SHFL: variants seen among roughly 807,000 people sequenced by gnomAD.
SHFL encodes shiftless antiviral inhibitor of ribosomal frameshifting, also known as shiftless antiviral inhibitor of ribosomal frameshifting protein.
SHFL carries 12 observed loss-of-function variants against 34.7 expected under a neutral mutation model. That is an observed-to-expected ratio of 0.35 (90% CI 0.22 to 0.56). The LOEUF is 0.56. SHFL is among the 20% of genes least tolerant of loss of function. SHFL has a pLI of 0.88. For missense variants in SHFL, 278 were observed against 411.1 expected (o/e 0.68, Z 2.80); for synonymous variants, 148 against 156.0 (o/e 0.95, Z 0.38).
At chr19:10,088,254 C>CCAT (rs2088321983) in intron 3 of SHFL, 1 of 68,260 alleles carries the variant, frequency 1.5e-5, no homozygotes, top group African/African-American at 6.4e-5. Flanking sequence ...GAGCGAAACT[C>CCAT]TGTCTCAAAA....
chr19:10,088,350 G>A (rs1178456142), intron 3 of SHFL: 2 of 151,002 alleles, frequency 1.3e-5, no homozygotes, highest in Admixed American at 6.6e-5. Flanking sequence ...GGATCATGAG[G>A]TCAGGAGATC....
chr19:10,086,347 T>G lies in SHFL; in HGVS notation c.-81T>G. 8.2e-7 allele frequency: 1 copy of G among 1,225,048 alleles called. No individual in the cohort carries two copies. The allele number at this position is 1,225,048 out of a possible 1,614,324, so 75.9% of individuals were successfully genotyped here. A position where few individuals can be genotyped will look rare whatever the true frequency, so the allele number is the denominator to read the frequency against. On this transcript the variant is annotated 5_prime_UTR_variant, in exon 1 of 8. Transcript: ENST00000253110. The surrounding 1 kb of genome is among the most constrained non-coding windows in gnomAD (Gnocchi z 5.2). Reference sequence around the variant, plus strand: ...ACCGCCCCCTGCCCTGCGCGGCTGCTGGACCGACGGGCGCACCCAGGTAGG... The same window carrying G: ...ACCGCCCCCTGCCCTGCGCGGCTGCGGGACCGACGGGCGCACCCAGGTAGG...
intron 3 of SHFL, 65 bp downstream of exon 3, chr19:10,087,365 AC>A (rs1261092308): frequency 1.9e-6 from 3 of 1,577,172 alleles, no homozygotes; most frequent in Non-Finnish European, 2.6e-6. Flanking sequence ...GGGGGACCCG[AC>A]CCGTTCATGG....
intron 3 of SHFL, among the ~76,000 whole-genome samples, chr19:10,088,611 T>C (rs1355778641): frequency 6.6e-6 from 1 of 151,022 alleles, no homozygotes; most frequent in African/African-American, 2.4e-5. Context: ...ACAAAACATG[T>C]ATCATAGTCT....
chr19:10,091,990 C>A lies in SHFL; in HGVS notation c.644-80C>A. 6.4e-7 allele frequency: 1 copy of A among 1,571,172 alleles called. No homozygotes were observed. Among genetic ancestry groups the A allele is most frequent in the South Asian group, 1.1e-5 (1 of 88,592 alleles). ...GGTGGTCTCAGCTCCTCCCTAGAGCCCCGCGTGGCCTAAGTCCCCTCCTCC... is the reference window on the plus strand; with the variant it reads ...GGTGGTCTCAGCTCCTCCCTAGAGCACCGCGTGGCCTAAGTCCCCTCCTCC... On this transcript the variant is annotated intron_variant, in intron 7 of 7. Coordinates refer to ENST00000253110, the MANE Select transcript of SHFL (RefSeq NM_018381.4). The surrounding 1 kb of genome is among the most constrained non-coding windows in gnomAD (Gnocchi z 8.2).
chr19:10,086,894 C>T lies in SHFL; in HGVS notation c.22-35C>T, dbSNP rs2088296623. 2 of 1,611,192 alleles carry T rather than the reference C, an allele frequency of 1.2e-6. No homozygotes were observed. The highest frequency in any genetic ancestry group is 1.7e-6 in the Non-Finnish European group (2 of 1,178,590). On this transcript the variant is annotated intron_variant, in intron 1 of 7. Transcript: ENST00000253110. The surrounding 1 kb of genome is among the most constrained non-coding windows in gnomAD (Gnocchi z 5.2). ...TGGGGGAGGGATGATCCCGTTTCCC[C>T]TTCCCCCACCGGAACCCCCCTGTCT...
Position 10,092,077 on chromosome 19 carries a change from C to A in SHFL, c.651C>A (p.His217Gln). Residue 217 changes from histidine (H) to glutamine (Q), a missense_variant, in exon 8 of 8, where the codon CAC (histidine) becomes CAA (glutamine). His to Gln is a conservative substitution (Grantham distance 24, BLOSUM62 0). Around this residue, in one of 2 missense-constraint regions of SHFL, gnomAD observed 243 missense variants for 386.2 expected, o/e 0.63. Transcript: ENST00000253110. ...AADCYNRREP[H>Q]VPGTSCAHPK... The stretch of plus-strand genomic sequence containing the variant: ...GCACCTCTCCCTCCCTAGAGCCCCA[C>A]GTGCCTGGGACATCCTGTGCTCACC... 2 of 1,613,898 alleles carry A rather than the reference C, an allele frequency of 1.2e-6. No homozygotes were observed. The highest frequency in any genetic ancestry group is 1.7e-6 in the Non-Finnish European group (2 of 1,179,820).
intron 2 of SHFL, 45 bp downstream of exon 2, chr19:10,087,097 G>A: frequency 6.3e-7 from 1 of 1,597,138 alleles, no homozygotes; most frequent in Non-Finnish European, 8.5e-7. Context: ...ACCGCGCGTG[G>A]GAGCGCCGAG....
chr19:10,092,016 C>T, intron 7 of SHFL, 54 bp from the exon 8 acceptor site: 1 of 1,610,812 alleles, frequency 6.2e-7, no homozygotes, highest in East Asian at 2.2e-5. Context: ...CCCCTCCTCC[C>T]CAGACTCTCA....
chr19:10,087,163 G>T, intron 2 of SHFL, 88 bp from the exon 3 acceptor site: 1 of 1,599,270 alleles, frequency 6.3e-7, no homozygotes, highest in Non-Finnish European at 8.5e-7. Flanking sequence ...TCCCAGCCTT[G>T]GGGAGGCTCT....
At position 10,091,159 on chromosome 19, in the gene SHFL, G is replaced by A. The variant is rs532010130; in HGVS notation, c.385-91G>A. ...TGGGTTGCTCAAGCTGAGGCCAGCCGCTGCAGCACACTGCTAGCCCTGACC... is the reference window on the plus strand; with the variant it reads ...TGGGTTGCTCAAGCTGAGGCCAGCCACTGCAGCACACTGCTAGCCCTGACC... On this transcript the variant is annotated intron_variant, in intron 5 of 7. Coordinates refer to ENST00000253110, the MANE Select transcript of SHFL (RefSeq NM_018381.4). The surrounding 1 kb of genome is among the most constrained non-coding windows in gnomAD (Gnocchi z 8.2). The A allele has an allele frequency of 9.2e-4, 1,026 of 1,120,654 alleles. 11 individuals are homozygous for A. The highest frequency in any genetic ancestry group is 5.4e-3 in the South Asian group (385 of 71,216). 69.4% of individuals were successfully genotyped at this position (1,120,654 alleles called of 1,614,324 possible). A position where few individuals can be genotyped will look rare whatever the true frequency, so the allele number is the denominator to read the frequency against.
chr19:10,090,441 A>G (rs12982924), intron 5 of SHFL: 79,697 of 154,014 alleles, frequency 0.52, 21,119 homozygotes, highest in Non-Finnish European at 0.56. Context: ...CCAAAAAAAA[A>G]TGTGTTTTGA....
At chr19:10,090,306 A>C in intron 5 of SHFL, 1 of 490,990 alleles carries the variant, frequency 2.0e-6, no homozygotes, top group Non-Finnish European at 3.7e-6. Flanking sequence ...CTACTACAGA[A>C]ATCAAACCTG....
chr19:10,091,220 T>C lies in SHFL; in HGVS notation c.385-30T>C, dbSNP rs377676112. 31 of 1,598,342 alleles carry C rather than the reference T, an allele frequency of 1.9e-5. No individual in the cohort carries two copies. The African/African-American group carries it at 4.0e-4, about 21-fold the overall frequency. On this transcript the variant is annotated intron_variant, in intron 5 of 7. Coordinates refer to ENST00000253110, the MANE Select transcript of SHFL (RefSeq NM_018381.4). The surrounding 1 kb of genome is among the most constrained non-coding windows in gnomAD (Gnocchi z 8.2). ...ACACCTCTGACAATCCTTGGTCCCC[T>C]CTCTGTACCTTCCTGCCCACCACCA...
Position 10,091,454 on chromosome 19 carries a change from T to G in SHFL, c.489-22T>G. 8.1e-7 allele frequency: 1 copy of G among 1,238,660 alleles called. No homozygotes were observed. Among genetic ancestry groups the G allele is most frequent in the Non-Finnish European group, 1.0e-6 (1 of 958,196 alleles). 76.7% of individuals were successfully genotyped at this position (1,238,660 alleles called of 1,614,324 possible). A position where few individuals can be genotyped will look rare whatever the true frequency, so the allele number is the denominator to read the frequency against. On this transcript the variant is annotated intron_variant, in intron 6 of 7. Transcript: ENST00000253110. The surrounding 1 kb of genome is among the most constrained non-coding windows in gnomAD (Gnocchi z 8.2). ...CTGGCCCAGCCTCGCCCTCGGACCC[T>G]CACAGCCCTGCCCGCCCCCAGGGGC... is the stretch of plus-strand genomic sequence containing the variant.
chr19:10,087,051 C>T lies in SHFL; in HGVS notation c.144C>T (p.Tyr48=), dbSNP rs544762485. The T allele has an allele frequency of 1.9e-6, 3 of 1,610,862 alleles. No homozygotes were observed. Among genetic ancestry groups the T allele is most frequent in the African/African-American group, 2.7e-5 (2 of 74,974 alleles). ...CGGGAGTGGGGCGCTCCATCGTGTA[C>T]GGTGAGGCTGCAGGGGTCCCGGGCC... is the stretch of plus-strand genomic sequence containing the variant. ...DHTGVGRSIV[Y]GVKQKDGQEL... is the part of the protein sequence containing the mutation. The change falls in exon 2 of 8, where the codon TAC becomes TAT. Residue 48 remains tyrosine (Y), a splice_region_variant and synonymous_variant. Transcript: ENST00000253110.
Position 10,091,188 on chromosome 19 carries a change from A to G in SHFL, c.385-62A>G, listed in dbSNP as rs918384486. On this transcript the variant is annotated intron_variant, in intron 5 of 7. Coordinates refer to ENST00000253110, the MANE Select transcript of SHFL (RefSeq NM_018381.4). This position sits in a 1 kb window ranked among gnomAD's most constrained non-coding sequence, Gnocchi z 8.2. The stretch of plus-strand genomic sequence containing the variant: ...CAGCACACTGCTAGCCCTGACCCCA[A>G]CCTCAGACACCTCTGACAATCCTTG... The G allele has an allele frequency of 6.8e-7, 1 of 1,479,448 alleles. No individual in the cohort carries two copies. The highest frequency in any genetic ancestry group is 1.4e-5 in the African/African-American group (1 of 72,200). The allele number at this position is 1,479,448 out of a possible 1,614,324, so 91.6% of individuals were successfully genotyped here.
chr19:10,087,469 C>T (rs1408852586), intron 3 of SHFL, 169 bp downstream of exon 3: 3 of 687,494 alleles, frequency 4.4e-6, no homozygotes, highest in East Asian at 2.7e-5. Context: ...ATCATTTGTC[C>T]GGCCAGGGAG....
chr19:10,091,316 G>A lies in SHFL; in HGVS notation c.451G>A (p.Ala151Thr). Residue 151 changes from alanine (A) to threonine (T), a missense_variant, in exon 6 of 8, where the codon GCT (alanine) becomes ACT (threonine). Coordinates refer to ENST00000253110, the MANE Select transcript of SHFL (RefSeq NM_018381.4). The surrounding 1 kb of genome is among the most constrained non-coding windows in gnomAD (Gnocchi z 8.2). ...GCCAGCTGACAAGATGTGGGGCCTG[G>A]CTGAGTTCCACTGCCCGAAGTGTCG... ...PVPADKMWGLAEFHCPKCRHN... is the reference protein window; with the variant it reads ...PVPADKMWGLTEFHCPKCRHN... 1 of 1,613,882 alleles carries A rather than the reference G, an allele frequency of 6.2e-7. No homozygotes were observed. Among genetic ancestry groups the A allele is most frequent in the African/African-American group, 1.3e-5 (1 of 75,038 alleles).
Sources: gnomAD v4.1 joint callset for allele counts (sites outside exome capture counted in the v4.1 genomes callset) on GRCh38, gnomAD v4.1.1 for gene constraint, gnomAD v4.1.1 regional missense constraint, Gnocchi (gnomAD v3.1) non-coding constraint, MANE v1.5 for transcripts, NCBI Gene and HGNC (gene_info 2026-07-23, HGNC 2026-07-21) for gene names.